Variants in PEX7 observed in about 807,000 individuals in gnomAD.
PEX7 encodes the protein PTS2 receptor.
Under a neutral mutation model 47.5 loss-of-function variants are expected in PEX7, and 34 were observed. The observed-to-expected ratio is 0.72, with a 90% CI of 0.54 to 0.95. The LOEUF is 0.95. Ranked by LOEUF, PEX7 falls within the 40% of genes least tolerant of loss-of-function variation. PEX7 has a pLI of 0.00. For synonymous variants in PEX7, 141 were observed against 148.8 expected (o/e 0.95, Z 0.38); for missense variants, 394 against 400.3 (o/e 0.98, Z 0.13).
intron 8 of PEX7, among the ~76,000 whole-genome samples, chr6:136,881,745 C>T (rs537651463): frequency 6.6e-6 from 1 of 152,286 alleles, no homozygotes; most frequent in South Asian, 2.1e-4. Flanking sequence ...GAGTATCAAA[C>T]CATGCTCAGA....
At chr6:136,859,754 G>A (rs1178329764) in intron 5 of PEX7, among the ~76,000 whole-genome samples, 1 of 152,080 alleles carries the variant, frequency 6.6e-6, no homozygotes, top group Non-Finnish European at 1.5e-5. Context: ...CAGGCACAGT[G>A]GCTCACATCT....
chr6:136,855,480 C>CAG (rs1774844449), intron 5 of PEX7, among the ~76,000 whole-genome samples: 1 of 152,020 alleles, frequency 6.6e-6, no homozygotes, highest in Middle Eastern at 3.2e-3. Context: ...GCTGGGATTA[C>CAG]AGGCACGTGC....
intron 6 of PEX7, among the ~76,000 whole-genome samples, chr6:136,869,170 C>T (rs987499529): frequency 3.9e-5 from 6 of 152,182 alleles, no homozygotes; most frequent in Non-Finnish European, 8.8e-5. Flanking sequence ...AGTGATCCAC[C>T]GGCCTTGGCC....
chr6:136,839,542 G>T (rs1368787480), intron 3 of PEX7, among the ~76,000 whole-genome samples: 2 of 152,124 alleles, frequency 1.3e-5, no homozygotes, highest in South Asian at 2.1e-4. Context: ...CCACTGCCAA[G>T]AGTAATTTAA....
At chr6:136,878,683 A>G (rs971820696) in intron 8 of PEX7, among the ~76,000 whole-genome samples, 25 of 152,248 alleles carry the variant, frequency 1.6e-4, no homozygotes, top group African/African-American at 5.8e-4. Context: ...ATGTTTTTGT[A>G]TAGAGTATAT....
chr6:136,828,627 C>T (rs527832945), intron 3 of PEX7, among the ~76,000 whole-genome samples: 24 of 152,298 alleles, frequency 1.6e-4, no homozygotes, highest in African/African-American at 5.1e-4. Flanking sequence ...ATGATCTGTA[C>T]GTCTTTCATC....
At chr6:136,910,358 T>A (rs910710242) in intron 9 of PEX7, among the ~76,000 whole-genome samples, 2 of 152,080 alleles carry the variant, frequency 1.3e-5, no homozygotes, top group Non-Finnish European at 2.9e-5. Context: ...CCTAAACTGA[T>A]TTTTTAAAAA....
At chr6:136,887,192 TAGAAAA>T (rs1310288350) in intron 8 of PEX7, among the ~76,000 whole-genome samples, 1 of 152,148 alleles carries the variant, frequency 6.6e-6, no homozygotes, top group Admixed American at 6.6e-5. Context: ...CATGATGTAA[TAGAAAA>T]AGAGATACAG....
chr6:136,879,412 A>C (rs1017569749), intron 8 of PEX7, among the ~76,000 whole-genome samples: 2 of 151,970 alleles, frequency 1.3e-5, no homozygotes, highest in Non-Finnish European at 2.9e-5. Context: ...CTTGATTTAC[A>C]TTTCTTTCTT....
At chr6:136,827,938 A>G (rs1774227460) in intron 3 of PEX7, among the ~76,000 whole-genome samples, 1 of 150,732 alleles carries the variant, frequency 6.6e-6, no homozygotes, top group Admixed American at 6.6e-5. Context: ...TTTTTATACC[A>G]CTTGTATTAT....
Position 136,822,603 on chromosome 6 carries a change from T to G in PEX7, c.-63T>G. On this transcript the variant is annotated 5_prime_UTR_variant, in exon 1 of 10. Transcript: ENST00000318471. ...TGCCTGGTCTCTCTAACCGCGCCAG[T>G]GTGCCTCCGACTCGGAACGGCTTCC... 2.8e-6 allele frequency: 4 copies of G among 1,440,630 alleles called. No homozygotes were observed. The highest frequency in any genetic ancestry group is 1.2e-5 in the South Asian group (1 of 82,304). The allele number at this position is 1,440,630 out of a possible 1,614,324, so 89.2% of individuals were successfully genotyped here.
chr6:136,848,917 G>A (rs1774684198), intron 5 of PEX7, among the ~76,000 whole-genome samples: 1 of 152,134 alleles, frequency 6.6e-6, no homozygotes. Context: ...AATAGTTTCA[G>A]AAGGAATGGT....
intron 6 of PEX7, among the ~76,000 whole-genome samples, chr6:136,869,516 G>A (rs1393671574): frequency 2.0e-5 from 3 of 152,052 alleles, no homozygotes; most frequent in Admixed American, 1.3e-4. Context: ...GGAATTCCAG[G>A]GAAAACCTTT....
intron 3 of PEX7, among the ~76,000 whole-genome samples, chr6:136,835,704 CCTTGA>C (rs138684778): frequency 1.3e-5 from 2 of 152,110 alleles, no homozygotes; most frequent in Non-Finnish European, 2.9e-5. Context: ...GAAGCCACTG[CCTTGA>C]CTTGGTAAGT....
At chr6:136,845,002 A>G (rs1774569941) in intron 3 of PEX7, among the ~76,000 whole-genome samples, 1 of 152,262 alleles carries the variant, frequency 6.6e-6, no homozygotes, top group Non-Finnish European at 1.5e-5. Flanking sequence ...AACTTAGTTT[A>G]CAGCAGTGAT....
chr6:136,831,038 T>C (rs1054476566), intron 3 of PEX7, among the ~76,000 whole-genome samples: 5 of 152,216 alleles, frequency 3.3e-5, no homozygotes, highest in Non-Finnish European at 5.9e-5. Flanking sequence ...TTATTTACTT[T>C]TTGATAATGA....
chr6:136,880,126 T>G lies in PEX7; in HGVS notation c.803+7873T>G, dbSNP rs117002569. Among the ~76,000 whole-genome samples the G allele has an allele frequency of 3.5e-3, 520 of 148,908 alleles. 9 individuals carry two copies. The South Asian group carries it at 0.042, about 12-fold the overall frequency. On this transcript the variant is annotated intron_variant, in intron 8 of 9. Coordinates refer to ENST00000318471, the MANE Select transcript of PEX7 (RefSeq NM_000288.4). The stretch of plus-strand genomic sequence containing the variant: ...ATGTTACGGTTTTCTACTTCACTAT[T>G]TTTTTTTTTGAGGGAAGCTTTTGTC...
At chr6:136,907,271 T>G (rs1040154243) in intron 9 of PEX7, among the ~76,000 whole-genome samples, 4 of 152,184 alleles carry the variant, frequency 2.6e-5, no homozygotes, top group African/African-American at 9.6e-5. Context: ...TTCAATGAAT[T>G]AATGAAAAGG....
intron 6 of PEX7, among the ~76,000 whole-genome samples, chr6:136,867,380 C>A (rs1255294176): frequency 6.6e-6 from 1 of 151,912 alleles, no homozygotes; most frequent in Admixed American, 6.6e-5. Flanking sequence ...TCCTATTGCC[C>A]CCGAAAACCT....
Sources: gnomAD v4.1 joint callset for allele counts (sites outside exome capture counted in the v4.1 genomes callset) on GRCh38, gnomAD v4.1.1 for gene constraint, MANE v1.5 for transcripts, NCBI Gene and HGNC (gene_info 2026-07-23, HGNC 2026-07-21) for gene names.